SOX5: variants seen among roughly 807,000 people sequenced by gnomAD.
The protein encoded by SOX5 is transcription factor SOX-5.
A neutral mutation model predicts 92.0 loss-of-function variants in SOX5; 9 were observed. The ratio of observed to expected loss-of-function variants is 0.10; its 90% CI spans 0.06 to 0.17. The LOEUF is 0.17. SOX5 is among the 10% of genes least tolerant of loss of function. The probability of loss-of-function intolerance (pLI) is 1.00; values close to 1 mark genes in which losing one functional copy is unlikely to be tolerated. For missense variants in SOX5, 642 were observed against 944.5 expected, an observed-to-expected ratio of 0.68 and a Z score of 4.20; for synonymous variants, 344 against 336.3, an observed-to-expected ratio of 1.02 and a Z score of -0.25.
chr12:24,081,822 C>T (rs976282667), intron 4 of SOX5, among the ~76,000 whole-genome samples: 3 of 151,956 alleles, frequency 2.0e-5, no homozygotes, highest in African/African-American at 7.2e-5. Flanking sequence ...AAACGTTCTT[C>T]ACAACTCTAT....
chr12:24,228,904 T>C (rs941330148), intron 3 of SOX5, among the ~76,000 whole-genome samples: 1 of 152,220 alleles, frequency 6.6e-6, no homozygotes. Context: ...ATTCTGACAA[T>C]TAGTGGTTCA....
intron 1 of SOX5, among the ~76,000 whole-genome samples, chr12:24,512,610 G>A (rs190943532): frequency 6.6e-6 from 1 of 152,290 alleles, no homozygotes; most frequent in East Asian, 1.9e-4. Flanking sequence ...GGAAAGAGGT[G>A]CATATTCACA....
At chr12:23,980,743 C>A (rs1165178770) in intron 4 of SOX5, among the ~76,000 whole-genome samples, 1 of 152,122 alleles carries the variant, frequency 6.6e-6, no homozygotes, top group Non-Finnish European at 1.5e-5. Flanking sequence ...CCATCTCTCT[C>A]CCAGAGAACC....
chr12:23,953,294 T>C (rs1945892061), upstream of SOX5, among the ~76,000 whole-genome samples: 1 of 152,102 alleles, frequency 6.6e-6, no homozygotes. Flanking sequence ...GTTAATTGAA[T>C]CTTTTAAATT....
intron 5 of SOX5, among the ~76,000 whole-genome samples, chr12:23,740,016 C>A (rs984403525): frequency 2.6e-5 from 4 of 152,172 alleles, no homozygotes; most frequent in Non-Finnish European, 1.5e-5. Flanking sequence ...GTGCCCGGCA[C>A]ATAAGAAGCA....
At chr12:24,155,741 G>A (rs565053289) in intron 4 of SOX5, among the ~76,000 whole-genome samples, 2 of 152,160 alleles carry the variant, frequency 1.3e-5, no homozygotes, top group African/African-American at 4.8e-5. Flanking sequence ...TAGTTGAGCT[G>A]TGCTAACGAA....
In SOX5 at chr12:23,980,735, A is replaced by T. The variant is rs141102774; in HGVS notation, c.-1-84711T>A. Among the ~76,000 whole-genome samples, 5 of 151,816 alleles carry T rather than the reference A, an allele frequency of 3.3e-5. No individual in the cohort carries two copies. In the East Asian group the frequency reaches 9.7e-4, roughly 29 times the overall value. ...CCTGCTGTATCTTATGTTTGTCCCC[A>T]TCTCTCTCCCAGAGAACCACATGGC... On this transcript the variant is annotated intron_variant, in intron 4 of 4. Coordinates refer to the SOX5 transcript ENST00000446891.
intron 2 of SOX5, among the ~76,000 whole-genome samples, chr12:24,366,544 G>T (rs763454004): frequency 1.9e-4 from 29 of 152,266 alleles, no homozygotes; most frequent in Middle Eastern, 3.4e-3. Flanking sequence ...GAGAGAAATT[G>T]AATTCTGTTT....
chr12:23,543,508 C>A, intron 12 of SOX5, 124 bp from the exon 13 acceptor site: 1 of 675,792 alleles, frequency 1.5e-6, no homozygotes, highest in Non-Finnish European at 2.5e-6. Flanking sequence ...AATGGTACTT[C>A]CAGTTCTTAA....
chr12:23,621,253 A>C (rs1308724095), intron 8 of SOX5, among the ~76,000 whole-genome samples: 1 of 152,128 alleles, frequency 6.6e-6, no homozygotes, highest in Non-Finnish European at 1.5e-5. Flanking sequence ...GCAAATTCAC[A>C]GAGACAGAAA....
rs538957796 is a variant in SOX5, at chr12:24,044,992, T to C, written c.-1-148968A>G. 6.6e-5 allele frequency among the ~76,000 whole-genome samples: 10 copies of C among 152,318 alleles called. No individual in the cohort carries two copies. In the East Asian group the frequency reaches 1.9e-3, roughly 29 times the overall value. ...TGAGGTGAACATTCAGAAGTCTGGA[T>C]ATGCTTCTGAAACAAAGAGTGGGTT... On this transcript the variant is annotated intron_variant, in intron 4 of 4. Coordinates refer to the SOX5 transcript ENST00000446891.
At chr12:23,951,182 G>A (rs953984169), upstream of SOX5, 3 of 398,658 alleles carry the variant, frequency 7.5e-6, no homozygotes, top group Admixed American at 3.6e-5. Context: ...CTTCAAAGCC[G>A]AAGTGATTAA....
rs190865203 is a variant in SOX5, at chr12:24,529,857, A to C, written c.-251+32472T>G. Among the ~76,000 whole-genome samples, 121 of 152,090 alleles carry C rather than the reference A, an allele frequency of 8.0e-4. 4 individuals are homozygous for C. In the South Asian group the frequency reaches 0.022, roughly 28 times the overall value. The stretch of plus-strand genomic sequence containing the variant: ...ACATGGTGAAACCCCGTCTCTACTA[A>C]AAAATACAAAAAATTAGCTAGGCGT... On this transcript the variant is annotated intron_variant, in intron 1 of 4. Transcript: ENST00000446891.
intron 1 of SOX5, among the ~76,000 whole-genome samples, chr12:24,512,878 G>A (rs562193487): frequency 2.1e-3 from 322 of 152,280 alleles, no homozygotes; most frequent in African/African-American, 7.3e-3. Flanking sequence ...AAAAACATTA[G>A]GTAGGCTTAA....
intron 3 of SOX5, among the ~76,000 whole-genome samples, chr12:23,839,345 C>T (rs1437479310): frequency 6.6e-6 from 1 of 152,040 alleles, no homozygotes; most frequent in Non-Finnish European, 1.5e-5. Flanking sequence ...CCATGGAGAA[C>T]ATCATCTAAA....
intron 4 of SOX5, among the ~76,000 whole-genome samples, chr12:23,963,681 G>C (rs1947217541): frequency 1.4e-5 from 2 of 145,454 alleles, no homozygotes; most frequent in Admixed American, 1.4e-4. Flanking sequence ...AAAATTGGAA[G>C]ACTACACATT....
chr12:24,151,039 G>A (rs1405836854), intron 4 of SOX5, among the ~76,000 whole-genome samples: 3 of 152,076 alleles, frequency 2.0e-5, no homozygotes, highest in Non-Finnish European at 2.9e-5. Context: ...TATAAAAATG[G>A]TCAGTGGAAT....
rs148641354 is a variant in SOX5 at position 23,928,284 on chromosome 12, G to A, written c.38+21280C>T. ...AGAGATTCAACATCCATTAGCAGAG[G>A]GCCCTTTTGAAGCAGAAATGCAGAT... On this transcript the variant is annotated intron_variant, in intron 1 of 14. Coordinates refer to ENST00000451604, the MANE Select transcript of SOX5 (RefSeq NM_006940.6). Among the ~76,000 whole-genome samples, 65 of 152,044 alleles carry A rather than the reference G, an allele frequency of 4.3e-4. No homozygotes were observed. In the East Asian group the frequency reaches 0.012, roughly 27 times the overall value.
At chr12:23,646,301 GGTAGCTGGGACCACAT>G (rs2080842899) in intron 7 of SOX5, among the ~76,000 whole-genome samples, 1 of 151,922 alleles carries the variant, frequency 6.6e-6, no homozygotes, top group African/African-American at 2.4e-5. Flanking sequence ...CAGTCTCTTG[GGTAGCTGGGACCACAT>G]GCCCACACCA....
Sources: allele counts gnomAD v4.1 joint callset (sites outside exome capture counted in the v4.1 genomes callset), GRCh38; gene constraint gnomAD v4.1.1; transcripts MANE v1.5; gene names NCBI Gene and HGNC (gene_info 2026-07-23, HGNC 2026-07-21).